GALNT13: variants seen among roughly 807,000 people sequenced by gnomAD.
GALNT13 encodes polypeptide N-acetylgalactosaminyltransferase 13.
A neutral mutation model predicts 64.2 loss-of-function variants in GALNT13; 28 were observed. That is an observed-to-expected ratio of 0.44 (90% CI 0.32 to 0.60). The LOEUF is 0.60. Among genes scored for constraint, GALNT13 ranks in the 20% least tolerant of loss-of-function variants. The pLI is 0.05. For synonymous variants in GALNT13, 214 were observed against 224.6 expected, an observed-to-expected ratio of 0.95 and a Z score of 0.42; for missense variants, 577 against 669.8, an observed-to-expected ratio of 0.86 and a Z score of 1.53.
the GALNT13 span, among the ~76,000 whole-genome samples, chr2:153,106,332 T>A: frequency 6.6e-6 from 1 of 152,136 alleles, no homozygotes. Context: ...AGGGGGATTG[T>A]GGCCTTTTCT....
At chr2:153,834,392 A>ATC in the GALNT13 span, among the ~76,000 whole-genome samples, 8 of 152,174 alleles carry the variant, frequency 5.3e-5, no homozygotes, top group Non-Finnish European at 8.8e-5. Context: ...GACAAAGATA[A>ATC]AAGCCAAAGA....
At chr2:154,148,715 A>G in intron 4 of GALNT13, among the ~76,000 whole-genome samples, 1 of 152,184 alleles carries the variant, frequency 6.6e-6, no homozygotes, top group South Asian at 2.1e-4. Context: ...TTGGCTGCAT[A>G]AATGTCTTCT....
chr2:153,556,197 C>A, the GALNT13 span, among the ~76,000 whole-genome samples: 1 of 151,980 alleles, frequency 6.6e-6, no homozygotes, highest in Non-Finnish European at 1.5e-5. Context: ...TAAAGAATTA[C>A]ATATGATAGC....
the GALNT13 span, among the ~76,000 whole-genome samples, chr2:153,530,922 A>C: frequency 1.3e-5 from 2 of 152,240 alleles, no homozygotes; most frequent in African/African-American, 4.8e-5. Context: ...CTAAGACCTA[A>C]AACTGTGAAA....
the GALNT13 span, among the ~76,000 whole-genome samples, chr2:153,443,205 G>A: frequency 7.2e-5 from 11 of 152,182 alleles, no homozygotes; most frequent in Non-Finnish European, 1.3e-4. Context: ...CTCCTGTTTT[G>A]CGGATTGCAA....
intron 4 of GALNT13, among the ~76,000 whole-genome samples, chr2:154,200,646 A>G (rs527709702): frequency 7.0e-4 from 106 of 152,280 alleles, no homozygotes; most frequent in Non-Finnish European, 1.2e-3. Context: ...GGCAGAAGGT[A>G]GAAGGGCAAG....
intron 9 of GALNT13, among the ~76,000 whole-genome samples, chr2:154,376,823 T>C (rs1487674630): frequency 6.6e-6 from 1 of 152,140 alleles, no homozygotes; most frequent in Non-Finnish European, 1.5e-5. Flanking sequence ...AGAAAAATCT[T>C]AAGACTTGCC....
intron 7 of GALNT13, among the ~76,000 whole-genome samples, chr2:154,248,605 A>C (rs1689909026): frequency 1.3e-5 from 2 of 152,174 alleles, no homozygotes; most frequent in Admixed American, 1.3e-4. Context: ...ATTTTCAAAA[A>C]TTACCAACAC....
intron 4 of GALNT13, among the ~76,000 whole-genome samples, chr2:154,225,971 AT>A (rs1178845901): frequency 6.6e-6 from 1 of 152,010 alleles, no homozygotes; most frequent in African/African-American, 2.4e-5. Context: ...TAGGTCAAAT[AT>A]TTTCTTGATG....
the GALNT13 span, among the ~76,000 whole-genome samples, chr2:153,187,733 C>G: frequency 1.2e-4 from 18 of 152,176 alleles, no homozygotes; most frequent in Admixed American, 2.0e-4. Context: ...ATCTACTCTT[C>G]TATTCCTTTA....
the GALNT13 span, among the ~76,000 whole-genome samples, chr2:153,099,261 G>A: frequency 6.6e-6 from 1 of 152,098 alleles, no homozygotes; most frequent in African/African-American, 2.4e-5. Flanking sequence ...GATCACGTTG[G>A]GTGTAAATTC....
intron 3 of GALNT13, among the ~76,000 whole-genome samples, chr2:154,119,303 G>C (rs1447966036): frequency 6.6e-6 from 1 of 152,074 alleles, no homozygotes; most frequent in Non-Finnish European, 1.5e-5. Context: ...TATGTTGACA[G>C]TTCTATTGCC....
the GALNT13 span, among the ~76,000 whole-genome samples, chr2:153,208,973 C>CTT: frequency 9.7e-3 from 726 of 74,652 alleles, 50 homozygotes; most frequent in African/African-American, 0.028. Context: ...TGGTTTTGGT[C>CTT]TTTTTTTTTT....
the GALNT13 span, among the ~76,000 whole-genome samples, chr2:153,340,151 G>A: frequency 6.6e-6 from 1 of 152,040 alleles, no homozygotes; most frequent in Non-Finnish European, 1.5e-5. Flanking sequence ...TTGCGATTTG[G>A]TAGGGATTGC....
the GALNT13 span, among the ~76,000 whole-genome samples, chr2:153,553,483 C>G: frequency 6.6e-6 from 1 of 152,152 alleles, no homozygotes; most frequent in Admixed American, 6.5e-5. Flanking sequence ...GCCTGGATGA[C>G]AGAGTGAGAC....
At chr2:153,784,424 A>T in the GALNT13 span, among the ~76,000 whole-genome samples, 3 of 152,230 alleles carry the variant, frequency 2.0e-5, no homozygotes, top group African/African-American at 7.2e-5. Flanking sequence ...AGCATTCAAG[A>T]GGAAGCAGAG....
chr2:153,817,004 T>G, the GALNT13 span, among the ~76,000 whole-genome samples: 1 of 152,196 alleles, frequency 6.6e-6, no homozygotes, highest in African/African-American at 2.4e-5. Context: ...AATGTCTATG[T>G]AACCAGAGCC....
At chr2:153,216,085 T>C in the GALNT13 span, among the ~76,000 whole-genome samples, 18 of 152,014 alleles carry the variant, frequency 1.2e-4, no homozygotes, top group Non-Finnish European at 2.5e-4. Flanking sequence ...ATACAATATG[T>C]ACTTTGGTTG....
intron 12 of GALNT13, among the ~76,000 whole-genome samples, chr2:154,440,709 CA>C (rs1347538867): frequency 1.3e-5 from 2 of 151,888 alleles, no homozygotes; most frequent in Non-Finnish European, 2.9e-5. Context: ...TTTATGTTTT[CA>C]AAATTAACTA....
Sources: gnomAD v4.1 joint callset for allele counts (sites outside exome capture counted in the v4.1 genomes callset) on GRCh38, gnomAD v4.1.1 for gene constraint, MANE v1.5 for transcripts, NCBI Gene and HGNC (gene_info 2026-07-23, HGNC 2026-07-21) for gene names.